The following PLXNA4 variants were observed in gnomAD, a reference collection of about 807,000 sequenced individuals.
PLXNA4 encodes the protein plexin-A4.
Under a neutral mutation model 191.8 loss-of-function variants are expected in PLXNA4, and 44 were observed. The ratio of observed to expected loss-of-function variants is 0.23; its 90% confidence interval spans 0.18 to 0.29. The LOEUF is 0.29. Ranked by LOEUF, PLXNA4 falls within the 10% of genes least tolerant of loss-of-function variation. The pLI is 1.00. For missense variants in PLXNA4, 1,800 were observed against 2,488.8 expected, an observed-to-expected ratio of 0.72 and a Z score of 5.89; for synonymous variants, 1,082 against 1,009.5, an observed-to-expected ratio of 1.07 and a Z score of -1.36.
chr7:132,497,568 G>A (rs1420623989), intron 2 of PLXNA4, among the ~76,000 whole-genome samples: 1 of 152,126 alleles, frequency 6.6e-6, no homozygotes, highest in African/African-American at 2.4e-5. Flanking sequence ...TGATGATTCT[G>A]TAACAAAGAA....
At position 132,260,518 on chromosome 7, in the gene PLXNA4, G is replaced by A. The variant is rs78227668; in HGVS notation, c.1504-19352C>T. Among the ~76,000 whole-genome samples the A allele has an allele frequency of 8.9e-3, 1,362 of 152,246 alleles. 18 individuals are homozygous for A. Among genetic ancestry groups the A allele is most frequent in the African/African-American group, 0.031 (1,285 of 41,540 alleles). ...AACAGACGCCAGGGAGTACTAGAGT[G>A]GGGAGGATGAAAGGGGGCTGAGGGT... On this transcript the variant is annotated intron_variant, in intron 4 of 31. Coordinates refer to ENST00000321063, the MANE Select transcript of PLXNA4 (RefSeq NM_020911.2).
chr7:132,301,040 A>C (rs748288007), intron 3 of PLXNA4, among the ~76,000 whole-genome samples: 2 of 152,188 alleles, frequency 1.3e-5, no homozygotes, highest in Non-Finnish European at 2.9e-5. Flanking sequence ...GGAAGCACCA[A>C]CTGGACAAGG....
At chr7:132,521,997 C>A (rs1248383322) in intron 1 of PLXNA4, among the ~76,000 whole-genome samples, 1 of 152,142 alleles carries the variant, frequency 6.6e-6, no homozygotes, top group Non-Finnish European at 1.5e-5. Context: ...ACTGACATCC[C>A]CCTTTCAGGA....
chr7:132,629,427 C>T (rs935285114), intron 2 of PLXNA4, among the ~76,000 whole-genome samples: 1 of 152,178 alleles, frequency 6.6e-6, no homozygotes, highest in Non-Finnish European at 1.5e-5. Flanking sequence ...GCTGAGTGCA[C>T]ATTAATCTCC....
chr7:132,361,047 C>T (rs776331179), intron 3 of PLXNA4, among the ~76,000 whole-genome samples: 3 of 152,166 alleles, frequency 2.0e-5, no homozygotes, highest in Non-Finnish European at 4.4e-5. Context: ...AAGATACTGG[C>T]CTTAACATGG....
chr7:132,167,876 A>G (rs912597428), intron 22 of PLXNA4, among the ~76,000 whole-genome samples: 13 of 152,126 alleles, frequency 8.5e-5, no homozygotes, highest in Non-Finnish European at 1.8e-4. Flanking sequence ...AACAAGCTCC[A>G]GTGTGCTCCC....
At chr7:132,546,570 G>A (rs1473681918) in intron 1 of PLXNA4, among the ~76,000 whole-genome samples, 1 of 152,160 alleles carries the variant, frequency 6.6e-6, no homozygotes, top group Non-Finnish European at 1.5e-5. Flanking sequence ...AACAGAAGGG[G>A]GCAGGTGCTG....
At chr7:132,376,236 T>C (rs1165613171) in intron 3 of PLXNA4, among the ~76,000 whole-genome samples, 2 of 152,298 alleles carry the variant, frequency 1.3e-5, no homozygotes, top group East Asian at 3.9e-4. Flanking sequence ...GTACCAACTT[T>C]GCCGAAAGTC....
chr7:132,407,309 G>C (rs1246722413), intron 3 of PLXNA4, among the ~76,000 whole-genome samples: 1 of 152,174 alleles, frequency 6.6e-6, no homozygotes, highest in African/African-American at 2.4e-5. Context: ...CATCATAGTA[G>C]CCAAATGAGG....
At chr7:132,534,431 C>A (rs1799750055) in intron 1 of PLXNA4, among the ~76,000 whole-genome samples, 1 of 152,136 alleles carries the variant, frequency 6.6e-6, no homozygotes, top group Non-Finnish European at 1.5e-5. Context: ...TTCCTTCCAC[C>A]CCAGCCCTCC....
At chr7:132,215,332 C>G (rs1056012072) in intron 9 of PLXNA4, among the ~76,000 whole-genome samples, 2 of 152,212 alleles carry the variant, frequency 1.3e-5, no homozygotes, top group Admixed American at 6.5e-5. Flanking sequence ...TGGGCAAGCC[C>G]CTCAAACCCT....
At chr7:132,180,035 T>C (rs911164851) in intron 19 of PLXNA4, 114 bp from the exon 20 acceptor site, 2 of 1,442,514 alleles carry the variant, frequency 1.4e-6, no homozygotes, top group Non-Finnish European at 1.8e-6. Flanking sequence ...AGGAGACCAA[T>C]CACTGGTGTC....
At chr7:132,229,351 G>A (rs973551790) in intron 5 of PLXNA4, among the ~76,000 whole-genome samples, 6 of 152,330 alleles carry the variant, frequency 3.9e-5, no homozygotes, top group African/African-American at 7.2e-5. Context: ...GTTTGTGAAA[G>A]ATGCATGTAA....
intron 3 of PLXNA4, among the ~76,000 whole-genome samples, chr7:132,340,400 C>T (rs1193770954): frequency 6.6e-6 from 1 of 152,186 alleles, no homozygotes; most frequent in Non-Finnish European, 1.5e-5. Context: ...CAAGGAGGGG[C>T]AAGGCTTCCA....
intron 4 of PLXNA4, chr7:132,271,273 GA>G (rs1480917823): frequency 3.3e-5 from 5 of 152,076 alleles, no homozygotes; most frequent in Non-Finnish European, 7.4e-5. Context: ...TAAAGTTCCT[GA>G]ATTTTTGAAG....
chr7:132,602,172 G>C (rs1802833051), intron 2 of PLXNA4, among the ~76,000 whole-genome samples: 1 of 152,170 alleles, frequency 6.6e-6, no homozygotes, highest in South Asian at 2.1e-4. Flanking sequence ...TAGGTAGCGA[G>C]GTAATTAGAC....
intron 2 of PLXNA4, among the ~76,000 whole-genome samples, chr7:132,583,976 G>C (rs904173991): frequency 1.3e-5 from 2 of 152,218 alleles, no homozygotes; most frequent in African/African-American, 4.8e-5. Context: ...CAGCCACTGT[G>C]GATGTATTTG....
At chr7:132,138,269 G>A (rs538513560) in intron 30 of PLXNA4, among the ~76,000 whole-genome samples, 1 of 152,298 alleles carries the variant, frequency 6.6e-6, no homozygotes, top group Admixed American at 6.5e-5. Context: ...TGGGAGGACT[G>A]TCTCCATTTG....
chr7:132,439,532 T>C (rs990339075), intron 3 of PLXNA4, among the ~76,000 whole-genome samples: 4 of 152,114 alleles, frequency 2.6e-5, no homozygotes, highest in African/African-American at 9.7e-5. Context: ...ACAATGTGTA[T>C]ATCCATGCAT....
Sources: gnomAD v4.1 joint callset for allele counts (sites outside exome capture counted in the v4.1 genomes callset) on GRCh38, gnomAD v4.1.1 for gene constraint, MANE v1.5 for transcripts, NCBI Gene and HGNC (gene_info 2026-07-23, HGNC 2026-07-21) for gene names.